The following BRCA2 variants were observed in gnomAD, a reference collection of about 807,000 sequenced individuals.
BRCA2 encodes the protein BRCA2 DNA repair associated.
A neutral mutation model predicts 276.7 loss-of-function variants in BRCA2; 203 were observed. The observed-to-expected ratio is 0.73, with a 90% CI of 0.65 to 0.82. BRCA2 has a LOEUF of 0.82. Among genes scored for constraint, BRCA2 ranks in the 40% least tolerant of loss-of-function variants. The pLI is 0.00. For missense variants in BRCA2, 3,920 were observed against 3,915.0 expected, an observed-to-expected ratio of 1.00 and a Z score of -0.03; for synonymous variants, 1,289 against 1,338.4, an observed-to-expected ratio of 0.96 and a Z score of 0.81.
At position 32,336,319 on chromosome 13, in the gene BRCA2, C is replaced by G. The variant is rs28897712; in HGVS notation, c.1964C>G (p.Pro655Arg). ...TGTTCACAGAATGATTCTGAAGAAC[C>G]AACTTTGTCCTTAACTAGCTCTTTT... ...RSCSQNDSEE[P>R]TLSLTSSFGT... Residue 655 changes from proline (P) to arginine (R), a missense_variant, in exon 11 of 27, where the codon CCA (proline) becomes CGA (arginine). By Grantham distance (103) the Pro-to-Arg change is moderately radical (BLOSUM62 -2). Transcript: ENST00000380152. The G allele has an allele frequency of 5.4e-4, 858 of 1,601,692 alleles. 8 individuals carry two copies. The highest frequency in any genetic ancestry group is 9.4e-5 in the Non-Finnish European group (110 of 1,174,692).
In BRCA2 at chr13:32,333,302, C is replaced by T. The variant is rs786202186; in HGVS notation, c.1824C>T (p.Asp608=). The T allele has an allele frequency of 6.2e-7, 1 of 1,605,590 alleles. No homozygotes were observed. Among genetic ancestry groups the T allele is most frequent in the South Asian group, 1.1e-5 (1 of 88,858 alleles). Residue 608 remains aspartate (D), a synonymous_variant, in exon 10 of 27, where the codon GAC becomes GAT. Coordinates refer to ENST00000380152, the MANE Select transcript of BRCA2 (RefSeq NM_000059.4). ...TSYKGKKIPK[D]QKSELINCSA... is the part of the protein sequence containing the mutation. ...ATAAAGGAAAAAAAATACCGAAAGA[C>T]CAAAAATCAGAACTAATTAACTGTT...
rs747773227 is a variant in BRCA2, at chr13:32,340,439, A to C, written c.6084A>C (p.Glu2028Asp). Residue 2028 changes from glutamate (E) to aspartate (D), a missense_variant, in exon 11 of 27, where the codon GAA becomes GAC. Coordinates refer to ENST00000380152, the MANE Select transcript of BRCA2 (RefSeq NM_000059.4). ...SNEHSDQLTR[E>D]ENTAIRTPEH... ...AACATTCAGACCAGCTCACAAGAGA[A>C]GAAAATACTGCTATACGTACTCCAG... 1 of 1,613,914 alleles carries C rather than the reference A, an allele frequency of 6.2e-7. No homozygotes were observed. The highest frequency in any genetic ancestry group is 8.5e-7 in the Non-Finnish European group (1 of 1,179,870).
Position 32,339,811 on chromosome 13 carries a change from C to T in BRCA2, c.5456C>T (p.Pro1819Leu), listed in dbSNP as rs876659214. The change falls in exon 11 of 27, where the codon CCC becomes CTC. Residue 1819 changes from proline (P) to leucine (L), a missense_variant. Pro to Leu is a moderately conservative substitution (Grantham distance 98). Transcript: ENST00000380152. ...GAGGAACTTGTGACTAGCTCTTCAC[C>T]CTGCAAAAATAAAAATGCAGCCATT... ...CVEELVTSSS[P>L]CKNKNAAIKL... is the part of the protein sequence containing the mutation. 6.2e-7 allele frequency: 1 copy of T among 1,613,622 alleles called. No individual in the cohort carries two copies. The highest frequency in any genetic ancestry group is 1.3e-5 in the African/African-American group (1 of 74,970).
In BRCA2 at chr13:32,339,773, A is replaced by C. The variant is rs34351119; in HGVS notation, c.5418A>C (p.Glu1806Asp). 6.2e-7 allele frequency: 1 copy of C among 1,613,910 alleles called. No individual in the cohort carries two copies. Among genetic ancestry groups the C allele is most frequent in the Non-Finnish European group, 8.5e-7 (1 of 1,179,864 alleles). ...DANAYPQTVN[E>D]DICVEELVTS... The stretch of plus-strand genomic sequence containing the variant: ...ATGCATACCCACAAACTGTAAATGA[A>C]GATATTTGCGTTGAGGAACTTGTGA... Residue 1806 changes from glutamate to aspartate, a missense_variant, in exon 11 of 27, where the codon GAA (glutamate) becomes GAC (aspartate). Physicochemically the swap from Glu to Asp is conservative, Grantham distance 45. Around this residue, in one of 2 missense-constraint regions of BRCA2, gnomAD observed 3,263 missense variants for 3,156.9 expected, o/e 1.03. Coordinates refer to ENST00000380152, the MANE Select transcript of BRCA2 (RefSeq NM_000059.4).
chr13:32,379,237 T>A, intron 21 of BRCA2, 80 bp from the exon 22 acceptor site: 5 of 1,374,280 alleles, frequency 3.6e-6, no homozygotes, highest in Non-Finnish European at 4.1e-6. Flanking sequence ...GTATTTGTCC[T>A]GTTTAAAGCC....
intron 4 of BRCA2, among the ~76,000 whole-genome samples, 200 bp downstream of exon 4, chr13:32,325,384 G>T (rs1273253909): frequency 6.6e-6 from 1 of 152,120 alleles, no homozygotes. Context: ...TGTTGTTCTT[G>T]TGATGTTGAA....
At chr13:32,332,171 GCA>G (rs1373062062) in intron 9 of BRCA2, 99 bp from the exon 10 acceptor site, 91 of 1,176,926 alleles carry the variant, frequency 7.7e-5, no homozygotes, top group Non-Finnish European at 1.0e-4. Flanking sequence ...GTAATATTTA[GCA>G]CATTCTACAT....
chr13:32,359,397 T>C (rs2072724070), intron 16 of BRCA2, among the ~76,000 whole-genome samples: 1 of 152,066 alleles, frequency 6.6e-6, no homozygotes. Context: ...GCCAAATAAC[T>C]AGAAAATCTC....
rs1226138707 is a variant in BRCA2, at chr13:32,338,112, G to A, written c.3757G>A (p.Ala1253Thr). 6.2e-7 allele frequency: 1 copy of A among 1,609,804 alleles called. No homozygotes were observed. The highest frequency in any genetic ancestry group is 1.1e-5 in the South Asian group (1 of 89,834). ...TGAGAATATTAGTGAGGAAACTTCT[G>A]CAGAGGTACATCCAATAAGTTTATC... ...DIENISEETSAEVHPISLSSS... is the reference protein window; with the variant it reads ...DIENISEETSTEVHPISLSSS... The change falls in exon 11 of 27, where the codon GCA becomes ACA. Residue 1253 changes from alanine (A) to threonine (T), a missense_variant. By Grantham distance (58) the Ala-to-Thr change is moderately conservative (BLOSUM62 0). This residue lies in a region of BRCA2 where 3,263 missense variants were observed against 3,156.9 expected (regional missense o/e 1.03). Transcript: ENST00000380152.
rs751396548 is a variant in BRCA2, at chr13:32,379,439, A to G, written c.8877A>G (p.Glu2959=). 6.2e-7 allele frequency: 1 copy of G among 1,613,704 alleles called. No homozygotes were observed. The highest frequency in any genetic ancestry group is 1.1e-5 in the South Asian group (1 of 90,976). ...RKAMESAEQK[E]QGLSRDVTTV... Reference sequence around the variant, plus strand: ...CCATGGAATCTGCTGAACAAAAGGAACAAGGTTTATCAAGGGATGTCACAA... The same window carrying G: ...CCATGGAATCTGCTGAACAAAAGGAGCAAGGTTTATCAAGGGATGTCACAA... The change falls in exon 22 of 27, where the codon GAA becomes GAG. Residue 2959 remains glutamate (E), a synonymous_variant. Coordinates refer to ENST00000380152, the MANE Select transcript of BRCA2 (RefSeq NM_000059.4).
intron 16 of BRCA2, 80 bp downstream of exon 16, chr13:32,358,009 T>A: frequency 1.3e-6 from 2 of 1,496,862 alleles, no homozygotes; most frequent in Non-Finnish European, 1.8e-6. Context: ...TCTCTCGAAC[T>A]AAAAAGTTGG....
chr13:32,337,415 T>C lies in BRCA2; in HGVS notation c.3060T>C (p.Ser1020=), dbSNP rs1593898436. Residue 1020 remains serine (S), a synonymous_variant, in exon 11 of 27, where the codon TCT becomes TCC. Transcript: ENST00000380152. ...RTASNKEIKL[S]EHNIKKSKMF... ...CTTCAAATAAGGAAATCAAGCTCTC[T>C]GAACATAACATTAAGAAGAGCAAAA... The C allele has an allele frequency of 1.2e-6, 2 of 1,613,408 alleles. No individual in the cohort carries two copies. Among genetic ancestry groups the C allele is most frequent in the South Asian group, 2.2e-5 (2 of 90,982 alleles).
In BRCA2 at chr13:32,338,763, A is replaced by G. The variant is rs2137506004; in HGVS notation, c.4408A>G (p.Ile1470Val). ...FSLNSELHSDIRKNKMDILSY... is the reference protein window; with the variant it reads ...FSLNSELHSDVRKNKMDILSY... ...CTTAAATTCTGAATTACATTCTGAC[A>G]TAAGAAAGAACAAAATGGACATTCT... is the stretch of plus-strand genomic sequence containing the variant. Residue 1470 changes from isoleucine (I) to valine (V), a missense_variant, in exon 11 of 27, where the codon ATA (isoleucine) becomes GTA (valine). Physicochemically the swap from Ile to Val is conservative, Grantham distance 29. Transcript: ENST00000380152. 1.2e-6 allele frequency: 2 copies of G among 1,610,212 alleles called. No homozygotes were observed. The highest frequency in any genetic ancestry group is 1.3e-5 in the African/African-American group (1 of 74,968).
At position 32,363,642 on chromosome 13, in the gene BRCA2, G is replaced by A. The variant is rs11571719; in HGVS notation, c.8331+109G>A. On this transcript the variant is annotated intron_variant, in intron 18 of 26. Coordinates refer to ENST00000380152, the MANE Select transcript of BRCA2 (RefSeq NM_000059.4). Reference sequence around the variant, plus strand: ...ACTAAGGATGCTCAATTTCTTAGATGTACTGATAATTTTAGTATAAAAAGC... The same window carrying A: ...ACTAAGGATGCTCAATTTCTTAGATATACTGATAATTTTAGTATAAAAAGC... 1.7e-3 allele frequency: 1,789 copies of A among 1,025,358 alleles called. 17 individuals carry two copies. The African/African-American group carries it at 0.023, about 13-fold the overall frequency. The allele number at this position is 1,025,358 out of a possible 1,614,324, so 63.5% of individuals were successfully genotyped here. A position where few individuals can be genotyped will look rare whatever the true frequency, so the allele number is the denominator to read the frequency against.
rs1057522051 is a variant in BRCA2 at position 32,319,309 on chromosome 13, A to G, written c.300A>G (p.Lys100=). The G allele has an allele frequency of 6.2e-7, 1 of 1,613,644 alleles. No individual in the cohort carries two copies. The highest frequency in any genetic ancestry group is 8.5e-7 in the Non-Finnish European group (1 of 1,179,576). The change falls in exon 3 of 27, where the codon AAA becomes AAG. Residue 100 remains lysine, a synonymous_variant. Transcript: ENST00000380152. ...LYQSPVKELD[K]FKLDLGRNVP... is the part of the protein sequence containing the mutation. Reference sequence around the variant, plus strand: ...AATCTCCTGTAAAAGAATTAGATAAATTCAAATTAGACTTAGGTAAGTAAT... The same window carrying G: ...AATCTCCTGTAAAAGAATTAGATAAGTTCAAATTAGACTTAGGTAAGTAAT...
chr13:32,344,949 A>T (rs1431719930), intron 12 of BRCA2, among the ~76,000 whole-genome samples: 1 of 152,156 alleles, frequency 6.6e-6, no homozygotes, highest in Non-Finnish European at 1.5e-5. Context: ...AGTTATGCGG[A>T]TCTTCCGAAA....
At chr13:32,317,729 T>C (rs1375458824) in intron 2 of BRCA2, among the ~76,000 whole-genome samples, 1 of 152,210 alleles carries the variant, frequency 6.6e-6, no homozygotes, top group Non-Finnish European at 1.5e-5. Flanking sequence ...AAATTCTAAT[T>C]TTCATTTGAA....
chr13:32,330,812 G>T lies in BRCA2; in HGVS notation c.682-107G>T, dbSNP rs77863879. The T allele has an allele frequency of 6.3e-3, 4,448 of 710,460 alleles. 21 individuals are homozygous for T. Among genetic ancestry groups the T allele is most frequent in the Non-Finnish European group, 9.8e-3 (4,045 of 412,666 alleles). 44.0% of individuals were successfully genotyped at this position (710,460 alleles called of 1,614,324 possible). ...AAAAATTTTTGGACCTAGGTTGATT[G>T]CAGATAACTGAAATCACCAAAAGTG... On this transcript the variant is annotated intron_variant, in intron 8 of 26. Transcript: ENST00000380152.
In BRCA2 at chr13:32,339,373, C is replaced by T. The variant is rs376249157; in HGVS notation, c.5018C>T (p.Thr1673Ile). ...GAAAATTCAGCCTTAGCTTTTTACA[C>T]AAGTTGTAGTAGAAAAACTTCTGTG... ...VIENSALAFYTSCSRKTSVSQ... is the reference protein window; with the variant it reads ...VIENSALAFYISCSRKTSVSQ... The change falls in exon 11 of 27, where the codon ACA becomes ATA. Residue 1673 changes from threonine to isoleucine, a missense_variant. This residue lies in a region of BRCA2 where 3,263 missense variants were observed against 3,156.9 expected (regional missense o/e 1.03). Coordinates refer to ENST00000380152, the MANE Select transcript of BRCA2 (RefSeq NM_000059.4). 1 of 1,591,718 alleles carries T rather than the reference C, an allele frequency of 6.3e-7. No individual in the cohort carries two copies. The highest frequency in any genetic ancestry group is 1.4e-5 in the African/African-American group (1 of 73,838).
Sources: allele counts gnomAD v4.1 joint callset (sites outside exome capture counted in the v4.1 genomes callset), GRCh38; gene constraint gnomAD v4.1.1; regional missense constraint gnomAD v4.1.1; transcripts MANE v1.5; gene names NCBI Gene and HGNC (gene_info 2026-07-23, HGNC 2026-07-21).